The following TTC28 variants were observed in gnomAD, a reference collection of about 807,000 sequenced individuals.
TTC28 encodes tetratricopeptide repeat domain 28.
In TTC28, 61 loss-of-function variants were observed where a neutral mutation model predicts 198.0. The observed-to-expected ratio is 0.31, with a 90% CI of 0.25 to 0.38. The LOEUF is 0.38. Ranked by LOEUF, TTC28 falls within the 10% of genes least tolerant of loss-of-function variation. The probability of loss-of-function intolerance (pLI) is 1.00; values close to 1 mark genes in which losing one functional copy is unlikely to be tolerated. For synonymous variants in TTC28, 1,171 were observed against 1,297.8 expected (o/e 0.90, Z 2.10); for missense variants, 2,678 against 3,164.0 (o/e 0.85, Z 3.69).
chr22:28,360,495 A>G (rs2046141691), intron 2 of TTC28, among the ~76,000 whole-genome samples: 2 of 152,186 alleles, frequency 1.3e-5, no homozygotes, highest in Non-Finnish European at 1.5e-5. Context: ...TGCTTTTTTT[A>G]AAGTTATTTT....
intron 6 of TTC28, among the ~76,000 whole-genome samples, chr22:28,110,885 T>C (rs578116113): frequency 6.6e-6 from 1 of 150,574 alleles, no homozygotes; most frequent in South Asian, 2.1e-4. Context: ...CAGTAGGCCA[T>C]GATCACACCA....
At chr22:28,062,453 TAG>T (rs1940586029) in intron 12 of TTC28, among the ~76,000 whole-genome samples, 1 of 148,880 alleles carries the variant, frequency 6.7e-6, no homozygotes, top group African/African-American at 2.5e-5. Context: ...GAATATTTTC[TAG>T]AATTCTACTT....
intron 2 of TTC28, among the ~76,000 whole-genome samples, chr22:28,573,647 T>C (rs2050097828): frequency 6.6e-6 from 1 of 152,054 alleles, no homozygotes; most frequent in Non-Finnish European, 1.5e-5. Flanking sequence ...CACAGCAGGG[T>C]AAATGGGGTA....
chr22:28,060,742 T>A (rs1257695553), intron 12 of TTC28, among the ~76,000 whole-genome samples: 2 of 152,142 alleles, frequency 1.3e-5, no homozygotes, highest in African/African-American at 4.8e-5. Context: ...TTTCTCCACA[T>A]CCTCTCCAGC....
At chr22:28,625,644 G>A (rs1021957593) in intron 2 of TTC28, among the ~76,000 whole-genome samples, 1 of 152,092 alleles carries the variant, frequency 6.6e-6, no homozygotes, top group African/African-American at 2.4e-5. Context: ...TTCAGTGTAA[G>A]CCCATTAATT....
At position 27,982,502 on chromosome 22, in the gene TTC28, T is replaced by C; in HGVS notation, c.7165A>G (p.Arg2389Gly). ...RGAPGTMTSK[R>G]DVLSLLNLSP... Reference sequence around the variant, plus strand: ...AAATTCAACAGACTGAGGACATCCCTTTTGGAAGTCATCGTGCCAGGAGCC... The same window carrying C: ...AAATTCAACAGACTGAGGACATCCCCTTTGGAAGTCATCGTGCCAGGAGCC... Residue 2389 changes from arginine to glycine, a missense_variant, in exon 23 of 23, where the codon AGG (arginine) becomes GGG (glycine). Transcript: ENST00000397906. The surrounding 1 kb of genome is among the most constrained non-coding windows in gnomAD (Gnocchi z 5.2). The C allele has an allele frequency of 6.4e-7, 1 of 1,551,560 alleles. No individual in the cohort carries two copies. Among genetic ancestry groups the C allele is most frequent in the Non-Finnish European group, 8.7e-7 (1 of 1,146,986 alleles).
At chr22:28,043,168 G>A (rs1375131827) in intron 12 of TTC28, among the ~76,000 whole-genome samples, 3 of 146,132 alleles carry the variant, frequency 2.1e-5, no homozygotes, top group Non-Finnish European at 4.5e-5. Flanking sequence ...GCTTGAACCC[G>A]GGAGGCAGAG....
intron 6 of TTC28, among the ~76,000 whole-genome samples, chr22:28,113,949 T>A (rs1461269558): frequency 1.3e-5 from 2 of 152,234 alleles, no homozygotes; most frequent in Admixed American, 6.5e-5. Flanking sequence ...CGTGGATGTT[T>A]AAGTCCACTT....
intron 2 of TTC28, among the ~76,000 whole-genome samples, chr22:28,569,467 T>C (rs1210451526): frequency 6.6e-6 from 1 of 152,178 alleles, no homozygotes; most frequent in Non-Finnish European, 1.5e-5. Flanking sequence ...AAGGACTCCC[T>C]ATTCAATAAA....
At chr22:28,425,026 A>G (rs1001376350) in intron 2 of TTC28, among the ~76,000 whole-genome samples, 2 of 152,244 alleles carry the variant, frequency 1.3e-5, no homozygotes, top group African/African-American at 4.8e-5. Context: ...TTGCTTACTA[A>G]GTCACTGTAC....
Position 27,999,243 on chromosome 22 carries a change from G to C in TTC28, c.4416C>G (p.Asn1472Lys), listed in dbSNP as rs1180385539. 4 of 1,549,906 alleles carry C rather than the reference G, an allele frequency of 2.6e-6. No homozygotes were observed. The highest frequency in any genetic ancestry group is 3.5e-6 in the Non-Finnish European group (4 of 1,146,332). ...SVQSKSHLRK[N>K]PPTYSSSTSM... Reference sequence around the variant, plus strand: ...ATGTGGAGCTGGAGTATGTGGGCGGGTTCTTCCGTAAGTGAGACTAGGAGG... The same window carrying C: ...ATGTGGAGCTGGAGTATGTGGGCGGCTTCTTCCGTAAGTGAGACTAGGAGG... The change falls in exon 16 of 23, where the codon AAC becomes AAG. Residue 1472 changes from asparagine (N) to lysine (K), a missense_variant. Asn to Lys is a moderately conservative substitution (Grantham distance 94). Coordinates refer to ENST00000397906, the MANE Select transcript of TTC28 (RefSeq NM_001145418.2).
intron 2 of TTC28, among the ~76,000 whole-genome samples, chr22:28,332,400 T>C (rs894446680): frequency 3.9e-5 from 6 of 151,962 alleles, no homozygotes; most frequent in Non-Finnish European, 8.8e-5. Flanking sequence ...ATTTCTCACA[T>C]TAAAAGCCCT....
intron 16 of TTC28, chr22:27,998,204 T>C: frequency 2.7e-6 from 1 of 366,394 alleles, no homozygotes; most frequent in Non-Finnish European, 5.0e-6. Flanking sequence ...AGATCCATCC[T>C]AAGTCTTTCT....
At chr22:28,621,438 G>C (rs1476572387) in intron 2 of TTC28, among the ~76,000 whole-genome samples, 1 of 151,692 alleles carries the variant, frequency 6.6e-6, no homozygotes, top group Admixed American at 6.6e-5. Flanking sequence ...AAAAAGGCTG[G>C]GCCTCATGGC....
intron 2 of TTC28, among the ~76,000 whole-genome samples, chr22:28,531,753 A>C (rs1261998456): frequency 6.6e-6 from 1 of 152,214 alleles, no homozygotes; most frequent in African/African-American, 2.4e-5. Context: ...GGATTAAGAA[A>C]CTCACTCGAA....
intron 19 of TTC28, 31 bp from the exon 20 acceptor site, chr22:27,990,843 GAA>G (rs946367315): frequency 3.0e-5 from 46 of 1,543,332 alleles, no homozygotes; most frequent in African/African-American, 9.6e-5. Context: ...GAAAAAGAAA[GAA>G]AGAGAGAAAG....
At chr22:28,300,792 A>G (rs1394992041) in intron 3 of TTC28, among the ~76,000 whole-genome samples, 1 of 152,244 alleles carries the variant, frequency 6.6e-6, no homozygotes, top group Non-Finnish European at 1.5e-5. Flanking sequence ...GAAGACAGAT[A>G]CATGAAATGA....
intron 5 of TTC28, among the ~76,000 whole-genome samples, chr22:28,211,229 G>A (rs993045093): frequency 1.1e-4 from 16 of 152,192 alleles, no homozygotes; most frequent in South Asian, 8.3e-4. Context: ...ATCAACTAAC[G>A]AGCAAAATAA....
At chr22:28,063,256 A>G (rs1228642010) in intron 12 of TTC28, among the ~76,000 whole-genome samples, 1 of 152,176 alleles carries the variant, frequency 6.6e-6, no homozygotes, top group Middle Eastern at 3.2e-3. Context: ...TTCCATTCCA[A>G]GATATCCATG....
Sources: gnomAD v4.1 joint callset for allele counts (sites outside exome capture counted in the v4.1 genomes callset) on GRCh38, gnomAD v4.1.1 for gene constraint, Gnocchi (gnomAD v3.1) non-coding constraint, MANE v1.5 for transcripts, NCBI Gene and HGNC (gene_info 2026-07-23, HGNC 2026-07-21) for gene names.